UXS1: variants seen among roughly 807,000 people sequenced by gnomAD.
UXS1 encodes the protein UDP-glucuronic acid decarboxylase 1.
UXS1 carries 33 observed loss-of-function variants against 62.6 expected under a neutral mutation model. That is an observed-to-expected ratio of 0.53 (90% CI 0.40 to 0.70). The LOEUF is 0.70. UXS1 is among the 30% of genes least tolerant of loss of function. UXS1 has a pLI of 0.00. For missense variants in UXS1, 434 were observed against 556.3 expected, an observed-to-expected ratio of 0.78 and a Z score of 2.21; for synonymous variants, 213 against 206.8, an observed-to-expected ratio of 1.03 and a Z score of -0.26.
chr2:106,110,452 A>G (rs1678495254), intron 10 of UXS1, among the ~76,000 whole-genome samples: 1 of 152,224 alleles, frequency 6.6e-6, no homozygotes, highest in Non-Finnish European at 1.5e-5. Context: ...TAAACAAAGC[A>G]GCTCTCATCT....
intron 1 of UXS1, among the ~76,000 whole-genome samples, chr2:106,193,454 C>A (rs1164161927): frequency 6.6e-6 from 1 of 152,044 alleles, no homozygotes; most frequent in Non-Finnish European, 1.5e-5. Context: ...TGTCTCCAGG[C>A]AGCATGCTGT....
Position 106,104,796 on chromosome 2 carries a change from G to C in UXS1, c.921C>G (p.Val307=). 1.2e-6 allele frequency: 2 copies of C among 1,614,010 alleles called. No homozygotes were observed. Among genetic ancestry groups the C allele is most frequent in the Non-Finnish European group, 1.7e-6 (2 of 1,179,890 alleles). Residue 307 remains valine (V), a splice_region_variant and synonymous_variant, in exon 11 of 15, where the codon GTC becomes GTG. Transcript: ENST00000283148. ...GGGGCAGGGCAGGACAGTCTTACCT[G>C]ACGTACTGGAACGCCCTTGTCTGAG... ...SGSQTRAFQY[V]SDLVNGLVAL... is the part of the protein sequence containing the mutation.
intron 2 of UXS1, among the ~76,000 whole-genome samples, chr2:106,165,553 G>A (rs543605874): frequency 1.3e-4 from 20 of 151,852 alleles, no homozygotes; most frequent in Admixed American, 2.0e-4. Flanking sequence ...GAGATAACAC[G>A]AGTTTTATTT....
intron 9 of UXS1, among the ~76,000 whole-genome samples, chr2:106,116,803 A>C (rs1247057525): frequency 6.6e-6 from 1 of 152,178 alleles, no homozygotes; most frequent in Non-Finnish European, 1.5e-5. Flanking sequence ...CATGGAGCAC[A>C]TGGATTTTAT....
chr2:106,118,789 T>C (rs1478950025), intron 9 of UXS1, among the ~76,000 whole-genome samples: 2 of 152,188 alleles, frequency 1.3e-5, no homozygotes, highest in Non-Finnish European at 1.5e-5. Context: ...TATAAAAAAA[T>C]TATTCCTACA....
intron 7 of UXS1, among the ~76,000 whole-genome samples, chr2:106,127,156 C>A (rs1680027102): frequency 6.6e-6 from 1 of 152,172 alleles, no homozygotes; most frequent in Non-Finnish European, 1.5e-5. Context: ...ATAGGACATT[C>A]TGGTTGCTTC....
chr2:106,163,377 C>T (rs1473842246), intron 4 of UXS1, among the ~76,000 whole-genome samples: 1 of 152,148 alleles, frequency 6.6e-6, no homozygotes, highest in Non-Finnish European at 1.5e-5. Flanking sequence ...AATTCTATCC[C>T]ACTGATCAAT....
chr2:106,141,031 G>A (rs1488303305), intron 6 of UXS1, among the ~76,000 whole-genome samples: 1 of 152,210 alleles, frequency 6.6e-6, no homozygotes, highest in Non-Finnish European at 1.5e-5. Flanking sequence ...GCTTTCTGAA[G>A]CATGGTTTAT....
chr2:106,160,996 G>A lies in UXS1; in HGVS notation c.230+2671C>T, dbSNP rs1682854137. On this transcript the variant is annotated intron_variant, in intron 4 of 14. Transcript: ENST00000283148. Reference sequence around the variant, plus strand: ...AAAGCTGAAAAACAGGAAGGGGAGAGTGCCTGTGGGGTCCTCCTCAGTATG... The same window carrying A: ...AAAGCTGAAAAACAGGAAGGGGAGAATGCCTGTGGGGTCCTCCTCAGTATG... Among the ~76,000 whole-genome samples the A allele has an allele frequency of 2.0e-5, 3 of 152,152 alleles. No homozygotes were observed. In the South Asian group the frequency reaches 6.2e-4, roughly 32 times the overall value.
intron 14 of UXS1, among the ~76,000 whole-genome samples, chr2:106,094,950 T>C (rs1383008278): frequency 6.6e-6 from 1 of 152,240 alleles, no homozygotes; most frequent in East Asian, 1.9e-4. Flanking sequence ...GCCAATTATA[T>C]CTCAACAAGC....
At chr2:106,185,269 T>C (rs765013279) in intron 1 of UXS1, among the ~76,000 whole-genome samples, 1 of 152,242 alleles carries the variant, frequency 6.6e-6, no homozygotes, top group African/African-American at 2.4e-5. Context: ...GCACTTTACC[T>C]TGACTACTTT....
At position 106,103,545 on chromosome 2, in the gene UXS1, T is replaced by C. The variant is rs533574220; in HGVS notation, c.923+1249A>G. Among the ~76,000 whole-genome samples the C allele has an allele frequency of 1.8e-4, 28 of 152,328 alleles. 1 individual carries two copies. The highest frequency in any genetic ancestry group is 6.7e-4 in the African/African-American group (28 of 41,570). ...CCCATACAGAAGTGTGCCATGATAG[T>C]TTCCTCCAGGGACATAGTGCCTACG... On this transcript the variant is annotated intron_variant, in intron 11 of 14. Coordinates refer to ENST00000283148, the MANE Select transcript of UXS1 (RefSeq NM_001253875.2).
chr2:106,169,834 C>T (rs1233231390), intron 1 of UXS1, among the ~76,000 whole-genome samples: 6 of 152,176 alleles, frequency 3.9e-5, no homozygotes, highest in African/African-American at 9.7e-5. Context: ...TTGCCCACTG[C>T]TTCTCCTTAA....
intron 1 of UXS1, among the ~76,000 whole-genome samples, chr2:106,193,504 C>T (rs6738485): frequency 0.36 from 54,061 of 151,722 alleles, 10,118 homozygotes; most frequent in Non-Finnish European, 0.4. Flanking sequence ...AGAGAAGCTG[C>T]AGGCACGCCC....
In UXS1 at chr2:106,194,134, G is replaced by A; in HGVS notation, c.94+14C>T. ...TGAATGGGGCTCCCCAGCTGGCAGC[G>A]GGCGCGCACTCACAGGCGACGTAGG... On this transcript the variant is annotated intron_variant, in intron 1 of 14. Coordinates refer to ENST00000283148, the MANE Select transcript of UXS1 (RefSeq NM_001253875.2). The A allele has an allele frequency of 1.4e-6, 2 of 1,465,346 alleles. No homozygotes were observed. The highest frequency in any genetic ancestry group is 9.0e-7 in the Non-Finnish European group (1 of 1,106,242). The allele number at this position is 1,465,346 out of a possible 1,614,324, so 90.8% of individuals were successfully genotyped here.
intron 14 of UXS1, 79 bp downstream of exon 14, chr2:106,096,639 G>A: frequency 7.5e-7 from 1 of 1,333,802 alleles, no homozygotes. Flanking sequence ...TGTCTGACAA[G>A]GGTCAGTGCC....
intron 10 of UXS1, among the ~76,000 whole-genome samples, chr2:106,106,364 C>A (rs1350295582): frequency 7.7e-3 from 984 of 127,390 alleles, no homozygotes; most frequent in Non-Finnish European, 8.5e-3. Flanking sequence ...AACTCCGTCT[C>A]AAAAAAAAAA....
intron 1 of UXS1, among the ~76,000 whole-genome samples, chr2:106,172,641 G>A (rs1331954825): frequency 6.6e-6 from 1 of 152,128 alleles, no homozygotes; most frequent in Non-Finnish European, 1.5e-5. Context: ...GGACCTTCCA[G>A]GCCACAGGTC....
chr2:106,166,201 G>A (rs895171099), intron 1 of UXS1, 118 bp from the exon 2 acceptor site: 34 of 984,130 alleles, frequency 3.5e-5, no homozygotes, highest in East Asian at 2.9e-4. Context: ...ATTAACTTAC[G>A]AAGACAACAA....
Sources: allele counts gnomAD v4.1 joint callset (sites outside exome capture counted in the v4.1 genomes callset), GRCh38; gene constraint gnomAD v4.1.1; transcripts MANE v1.5; gene names NCBI Gene and HGNC (gene_info 2026-07-23, HGNC 2026-07-21).